Variants in HECW1 observed in about 807,000 individuals in gnomAD.
The protein encoded by HECW1 is E3 ubiquitin-protein ligase HECW1.
HECW1 carries 61 observed loss-of-function variants against 182.3 expected under a neutral mutation model. That is an observed-to-expected ratio of 0.33 (90% CI 0.27 to 0.41). HECW1 has a LOEUF of 0.41. HECW1 is among the 10% of genes least tolerant of loss of function. The pLI is 1.00. For synonymous variants in HECW1, 859 were observed against 832.6 expected, an observed-to-expected ratio of 1.03 and a Z score of -0.55; for missense variants, 1,739 against 2,108.9, an observed-to-expected ratio of 0.82 and a Z score of 3.44.
chr7:43,353,699 T>C (rs1282506883), intron 5 of HECW1, among the ~76,000 whole-genome samples: 1 of 152,130 alleles, frequency 6.6e-6, no homozygotes, highest in Non-Finnish European at 1.5e-5. Context: ...ATTTATACAC[T>C]GGAAAAAGTG....
intron 2 of HECW1, among the ~76,000 whole-genome samples, chr7:43,210,933 T>C (rs1795953871): frequency 3.3e-5 from 5 of 152,096 alleles, no homozygotes; most frequent in Admixed American, 2.6e-4. Flanking sequence ...CAAGATTTAA[T>C]AGAGTGAAAA....
intron 16 of HECW1, 67 bp from the exon 17 acceptor site, chr7:43,479,543 T>C (rs1160551177): frequency 5.6e-6 from 9 of 1,595,244 alleles, no homozygotes; most frequent in South Asian, 4.5e-5. Flanking sequence ...CACTCCTGTA[T>C]ATTACTGACT....
At chr7:43,149,718 T>C (rs770529688) in intron 2 of HECW1, among the ~76,000 whole-genome samples, 44 of 152,204 alleles carry the variant, frequency 2.9e-4, no homozygotes, top group Non-Finnish European at 5.1e-4. Flanking sequence ...ATTCAAAAAT[T>C]AAAAGTTAAA....
At chr7:43,374,218 T>A (rs2074229429) in intron 6 of HECW1, among the ~76,000 whole-genome samples, 1 of 152,178 alleles carries the variant, frequency 6.6e-6, no homozygotes, top group Non-Finnish European at 1.5e-5. Flanking sequence ...TTCATAGAGG[T>A]TGGCTCCTTT....
At chr7:43,391,740 T>C (rs1447574255) in intron 6 of HECW1, among the ~76,000 whole-genome samples, 1 of 152,188 alleles carries the variant, frequency 6.6e-6, no homozygotes, top group Non-Finnish European at 1.5e-5. Flanking sequence ...ATGACAGTCA[T>C]ATAATGAGGG....
chr7:43,456,592 G>C, intron 13 of HECW1, 145 bp downstream of exon 13: 1 of 730,288 alleles, frequency 1.4e-6, no homozygotes, highest in Non-Finnish European at 2.0e-6. Context: ...GTTCCTAGTA[G>C]GTATTTGGAA....
intron 8 of HECW1, among the ~76,000 whole-genome samples, chr7:43,435,974 C>T (rs1368750318): frequency 6.6e-6 from 1 of 152,068 alleles, no homozygotes; most frequent in East Asian, 1.9e-4. Flanking sequence ...ACCATCCTGG[C>T]TAACACAGTG....
rs1019301637 is a variant in HECW1, at chr7:43,456,205, T to G, written c.2501-92T>G. The G allele has an allele frequency of 5.2e-5, 69 of 1,333,562 alleles. 1 individual carries two copies. The highest frequency in any genetic ancestry group is 4.3e-4 in the African/African-American group (30 of 69,272). 82.6% of individuals were successfully genotyped at this position (1,333,562 alleles called of 1,614,324 possible). On this transcript the variant is annotated intron_variant, in intron 12 of 29. Transcript: ENST00000395891. ...CTGCAGCCATGAACCAATGGTGAGTTCTACCTGCAGAAGACTTGGAAGTTG... is the reference window on the plus strand; with the variant it reads ...CTGCAGCCATGAACCAATGGTGAGTGCTACCTGCAGAAGACTTGGAAGTTG...
At chr7:43,334,554 C>G (rs1471233029) in intron 5 of HECW1, among the ~76,000 whole-genome samples, 1 of 152,204 alleles carries the variant, frequency 6.6e-6, no homozygotes, top group Non-Finnish European at 1.5e-5. Flanking sequence ...TTCCTTCTCT[C>G]TAAGCAAAAC....
At chr7:43,433,557 G>A (rs888831471) in intron 8 of HECW1, among the ~76,000 whole-genome samples, 1 of 152,230 alleles carries the variant, frequency 6.6e-6, no homozygotes, top group African/African-American at 2.4e-5. Flanking sequence ...TTAGGCAGAA[G>A]GGTGCGTGAC....
chr7:43,484,448 C>G (rs1408010796), intron 17 of HECW1: 1 of 152,080 alleles, frequency 6.6e-6, no homozygotes, highest in Non-Finnish European at 1.5e-5. Context: ...TTCTGTGTCC[C>G]GTATCACAGG....
In HECW1 at chr7:43,147,612, A is replaced by G. The variant is rs377005543; in HGVS notation, c.-32+33221A>G. 3.9e-5 allele frequency: 6 copies of G among 152,326 alleles called. No homozygotes were observed. The East Asian group carries it at 5.8e-4, about 15-fold the overall frequency. The allele number at this position is 152,326 out of a possible 1,614,324, so 9.4% of individuals were successfully genotyped here. On this transcript the variant is annotated intron_variant, in intron 2 of 29. Transcript: ENST00000395891. ...TAAACAAAGAGTTTTTAAGAAAACA[A>G]TAAATTTCTTTAGTTTAAAATCAGG...
intron 3 of HECW1, among the ~76,000 whole-genome samples, chr7:43,258,927 T>G (rs1042981144): frequency 2.7e-5 from 4 of 150,224 alleles, no homozygotes; most frequent in Admixed American, 2.6e-4. Context: ...CCCCAGTTTG[T>G]TTTTTTTGTT....
chr7:43,173,920 G>A (rs373642724), intron 2 of HECW1, among the ~76,000 whole-genome samples: 2 of 151,844 alleles, frequency 1.3e-5, no homozygotes, highest in East Asian at 1.9e-4. Flanking sequence ...GCTCACTGCA[G>A]ACTACGACTC....
chr7:43,137,420 C>T (rs1390550076), intron 2 of HECW1, among the ~76,000 whole-genome samples: 1 of 152,208 alleles, frequency 6.6e-6, no homozygotes, highest in Non-Finnish European at 1.5e-5. Flanking sequence ...CTGCCTCTCT[C>T]TAAAATGGAT....
At chr7:43,343,781 C>A (rs1813324574) in intron 5 of HECW1, among the ~76,000 whole-genome samples, 2 of 151,796 alleles carry the variant, frequency 1.3e-5, no homozygotes, top group South Asian at 4.1e-4. Context: ...GGTATATACC[C>A]AGTAATGGGG....
chr7:43,459,695 A>C (rs2077517965), intron 13 of HECW1, among the ~76,000 whole-genome samples: 1 of 151,998 alleles, frequency 6.6e-6, no homozygotes, highest in African/African-American at 2.4e-5. Flanking sequence ...GCACCACTGC[A>C]CTCAGCTAAT....
At chr7:43,366,632 A>G (rs1816686908) in intron 6 of HECW1, among the ~76,000 whole-genome samples, 1 of 152,232 alleles carries the variant, frequency 6.6e-6, no homozygotes, top group African/African-American at 2.4e-5. Context: ...AATGGTCTTG[A>G]GCCCTTGTGC....
rs1240981803 is a variant in HECW1 at position 43,492,089 on chromosome 7, T to C, written c.3249T>C (p.Ser1083=). 4 of 1,605,744 alleles carry C rather than the reference T, an allele frequency of 2.5e-6. No homozygotes were observed. Among genetic ancestry groups the C allele is most frequent in the African/African-American group, 2.7e-5 (2 of 74,146 alleles). The change falls in exon 18 of 30, where the codon TCT becomes TCC. Residue 1083 remains serine (S), a synonymous_variant. Transcript: ENST00000395891. The stretch of plus-strand genomic sequence containing the variant: ...TCTAAAATTAGGCCTCAGAAGTTTC[T>C]AGAAACAGAGGAGCCTCTTTACTGG... ...SYSAGEASEV[S]RNRGASLLAR...
Sources: allele counts gnomAD v4.1 joint callset (sites outside exome capture counted in the v4.1 genomes callset), GRCh38; gene constraint gnomAD v4.1.1; transcripts MANE v1.5; gene names NCBI Gene and HGNC (gene_info 2026-07-23, HGNC 2026-07-21).